The following BRINP3 variants were observed in gnomAD, a reference collection of about 807,000 sequenced individuals.
BRINP3 encodes BMP/retinoic acid inducible neural specific 3.
Under a neutral mutation model 71.0 loss-of-function variants are expected in BRINP3, and 19 were observed. That is an observed-to-expected ratio of 0.27 (90% CI 0.19 to 0.39). The LOEUF (loss-of-function observed/expected upper bound fraction) is 0.39, where lower values mean the gene tolerates loss of function less well. Ranked by LOEUF, BRINP3 falls within the 10% of genes least tolerant of loss-of-function variation. BRINP3 has a pLI of 1.00. For missense variants in BRINP3, 959 were observed against 940.8 expected (o/e 1.02, Z -0.25); for synonymous variants, 380 against 337.7 (o/e 1.13, Z -1.37).
intron 2 of BRINP3, among the ~76,000 whole-genome samples, chr1:190,398,850 C>T (rs1671746483): frequency 6.6e-6 from 1 of 151,922 alleles, no homozygotes; most frequent in African/African-American, 2.4e-5. Flanking sequence ...AATCTTCCAC[C>T]CTTTTTACTT....
intron 7 of BRINP3, among the ~76,000 whole-genome samples, chr1:190,136,187 G>A (rs916965046): frequency 6.6e-6 from 1 of 151,916 alleles, no homozygotes; most frequent in Non-Finnish European, 1.5e-5. Flanking sequence ...AAAATCTCCA[G>A]AATATAATAT....
At chr1:190,155,293 C>G (rs1015417010) in intron 7 of BRINP3, among the ~76,000 whole-genome samples, 3 of 151,714 alleles carry the variant, frequency 2.0e-5, no homozygotes, top group Non-Finnish European at 4.4e-5. Context: ...ATAATATATT[C>G]AATTGTTTTA....
chr1:190,343,195 G>A (rs1171386), intron 2 of BRINP3, among the ~76,000 whole-genome samples: 120,917 of 151,718 alleles, frequency 0.8, 48,555 homozygotes, highest in Middle Eastern at 0.92. Context: ...TTTTGGGAAC[G>A]GAGGAAGAGT....
chr1:190,389,996 A>G (rs562096644), intron 2 of BRINP3, among the ~76,000 whole-genome samples: 6 of 151,962 alleles, frequency 3.9e-5, no homozygotes, highest in African/African-American at 1.4e-4. Context: ...TTATGGGAAC[A>G]ATAAACACAT....
chr1:190,396,868 G>A (rs1237385196), intron 2 of BRINP3, among the ~76,000 whole-genome samples: 1 of 130,964 alleles, frequency 7.6e-6, no homozygotes, highest in Non-Finnish European at 1.7e-5. Flanking sequence ...GTACAGTCAG[G>A]TAAACATAGT....
intron 2 of BRINP3, among the ~76,000 whole-genome samples, chr1:190,385,627 T>C (rs1287825053): frequency 2.0e-5 from 3 of 152,094 alleles, no homozygotes; most frequent in South Asian, 4.1e-4. Flanking sequence ...TTTTACACTG[T>C]TGGTGGGACT....
At position 190,334,405 on chromosome 1, in the gene BRINP3, A is replaced by T. The variant is rs371839563; in HGVS notation, c.237-52655T>A. ...TGTGTGAATTTTTTTAAAATGGAAA[A>T]ATCAACACGAGAAACTGAAAAAGAT... On this transcript the variant is annotated intron_variant, in intron 2 of 7. Transcript: ENST00000367462. Among the ~76,000 whole-genome samples the T allele has an allele frequency of 8.6e-5, 13 of 151,902 alleles. No homozygotes were observed. In the South Asian group the frequency reaches 2.7e-3, roughly 32 times the overall value.
At chr1:190,408,019 CTTT>C (rs34343187) in intron 2 of BRINP3, among the ~76,000 whole-genome samples, 1 of 99,778 alleles carries the variant, frequency 1.0e-5, no homozygotes, top group Non-Finnish European at 1.8e-5. Context: ...CTACATTTGT[CTTT>C]TTTTTTTTTT....
At chr1:190,263,810 T>C (rs750694980) in intron 4 of BRINP3, among the ~76,000 whole-genome samples, 3 of 151,846 alleles carry the variant, frequency 2.0e-5, no homozygotes, top group Non-Finnish European at 2.9e-5. Context: ...ATGGTCTCGA[T>C]CTCCCGACCT....
At chr1:190,369,029 G>T (rs1558224703) in intron 2 of BRINP3, among the ~76,000 whole-genome samples, 1 of 151,966 alleles carries the variant, frequency 6.6e-6, no homozygotes, top group Non-Finnish European at 1.5e-5. Flanking sequence ...GTTTGGTCTG[G>T]GAATACTTCC....
chr1:190,432,156 C>A (rs914969572), intron 2 of BRINP3, among the ~76,000 whole-genome samples: 2 of 152,142 alleles, frequency 1.3e-5, no homozygotes, highest in African/African-American at 4.8e-5. Flanking sequence ...ATCTTTCTAT[C>A]CATACTTTAC....
At chr1:190,332,724 T>C (rs1459128008) in intron 2 of BRINP3, among the ~76,000 whole-genome samples, 1 of 152,044 alleles carries the variant, frequency 6.6e-6, no homozygotes, top group Non-Finnish European at 1.5e-5. Flanking sequence ...ATGTTTGCAC[T>C]GTGATTTAGA....
intron 2 of BRINP3, among the ~76,000 whole-genome samples, chr1:190,331,530 T>A (rs1666964564): frequency 6.6e-6 from 1 of 152,028 alleles, no homozygotes; most frequent in Non-Finnish European, 1.5e-5. Context: ...CTGTTCATCC[T>A]CAGAAAGCAC....
At position 190,236,310 on chromosome 1, in the gene BRINP3, T is replaced by C. The variant is rs749879556; in HGVS notation, c.619-1833A>G. ...GTGGAGGATATTTAAAGGAGCTCAGTTTTGAACATGTTGACTCTCTTTGAT... is the reference window on the plus strand; with the variant it reads ...GTGGAGGATATTTAAAGGAGCTCAGCTTTGAACATGTTGACTCTCTTTGAT... On this transcript the variant is annotated intron_variant, in intron 4 of 7. Coordinates refer to ENST00000367462, the MANE Select transcript of BRINP3 (RefSeq NM_199051.3). Among the ~76,000 whole-genome samples the C allele has an allele frequency of 3.4e-4, 52 of 151,942 alleles. 1 individual carries two copies. Among genetic ancestry groups the C allele is most frequent in the South Asian group, 2.1e-4 (1 of 4,830 alleles).
chr1:190,474,989 A>T (rs1677408570), intron 1 of BRINP3, among the ~76,000 whole-genome samples: 1 of 152,064 alleles, frequency 6.6e-6, no homozygotes, highest in Non-Finnish European at 1.5e-5. Context: ...GTATAATATA[A>T]GCTAGACAGA....
intron 2 of BRINP3, among the ~76,000 whole-genome samples, chr1:190,295,848 A>G (rs960498043): frequency 6.6e-6 from 1 of 152,146 alleles, no homozygotes; most frequent in Admixed American, 6.5e-5. Flanking sequence ...ACAATGTGGT[A>G]CTGTCCTTTC....
At chr1:190,280,130 T>C (rs867166481) in intron 3 of BRINP3, among the ~76,000 whole-genome samples, 57 of 151,984 alleles carry the variant, frequency 3.8e-4, no homozygotes, top group African/African-American at 1.3e-3. Context: ...GCAAATGTGA[T>C]CATGAAATAG....
chr1:190,248,655 C>A (rs952002480), intron 4 of BRINP3, among the ~76,000 whole-genome samples: 3 of 151,382 alleles, frequency 2.0e-5, no homozygotes, highest in Admixed American at 6.6e-5. Flanking sequence ...TGCATTATGT[C>A]ACATTTGTTA....
chr1:190,375,358 G>A (rs1670117782), intron 2 of BRINP3, among the ~76,000 whole-genome samples: 1 of 151,800 alleles, frequency 6.6e-6, no homozygotes, highest in Non-Finnish European at 1.5e-5. Context: ...TGTCACTTAT[G>A]ACCATGTACT....
Sources: gnomAD v4.1 joint callset for allele counts (sites outside exome capture counted in the v4.1 genomes callset) on GRCh38, gnomAD v4.1.1 for gene constraint, MANE v1.5 for transcripts, NCBI Gene and HGNC (gene_info 2026-07-23, HGNC 2026-07-21) for gene names.